RUNDC3B: variants seen among roughly 807,000 people sequenced by gnomAD.
The protein encoded by RUNDC3B is RUN domain containing 3B.
A neutral mutation model predicts 58.4 loss-of-function variants in RUNDC3B; 33 were observed. That is an observed-to-expected ratio of 0.56 (90% CI 0.43 to 0.75). The LOEUF (loss-of-function observed/expected upper bound fraction) is 0.75, where lower values mean the gene tolerates loss of function less well. Ranked by LOEUF, RUNDC3B falls within the 30% of genes least tolerant of loss-of-function variation. The pLI, the probability that RUNDC3B is intolerant of heterozygous loss-of-function variation, is 0.00. For missense variants in RUNDC3B, 501 were observed against 535.7 expected (o/e 0.94, Z 0.64); for synonymous variants, 193 against 195.2 (o/e 0.99, Z 0.10).
At chr7:87,634,139 G>A (rs1347880731) in intron 1 of RUNDC3B, among the ~76,000 whole-genome samples, 1 of 152,126 alleles carries the variant, frequency 6.6e-6, no homozygotes, top group Non-Finnish European at 1.5e-5. Context: ...CCTTGCTAGA[G>A]TGAGAACTGG....
At chr7:87,749,937 T>C (rs1832867036) in intron 6 of RUNDC3B, among the ~76,000 whole-genome samples, 1 of 152,054 alleles carries the variant, frequency 6.6e-6, no homozygotes, top group Non-Finnish European at 1.5e-5. Context: ...TGCAGGTTAC[T>C]TACATATGTA....
At chr7:87,787,751 T>C (rs1835299709) in intron 8 of RUNDC3B, among the ~76,000 whole-genome samples, 1 of 152,186 alleles carries the variant, frequency 6.6e-6, no homozygotes, top group Non-Finnish European at 1.5e-5. Flanking sequence ...GTGTTAAGTA[T>C]ATAAAAAAGA....
chr7:87,803,170 T>C (rs539642016), intron 8 of RUNDC3B, among the ~76,000 whole-genome samples: 44 of 152,306 alleles, frequency 2.9e-4, no homozygotes, highest in Non-Finnish European at 5.4e-4. Context: ...ATTTATTGAC[T>C]TTTTCTGTCA....
At chr7:87,730,252 A>C (rs576571556) in intron 4 of RUNDC3B, among the ~76,000 whole-genome samples, 2 of 152,266 alleles carry the variant, frequency 1.3e-5, no homozygotes, top group African/African-American at 4.8e-5. Flanking sequence ...GCTCAGCCAC[A>C]GTGATGTAGA....
intron 2 of RUNDC3B, among the ~76,000 whole-genome samples, chr7:87,677,481 A>G (rs1826493887): frequency 6.6e-6 from 1 of 152,166 alleles, no homozygotes; most frequent in Non-Finnish European, 1.5e-5. Context: ...AGTCAAACTT[A>G]TAGTAACAGA....
At chr7:87,820,890 A>T (rs933966492) in intron 10 of RUNDC3B, among the ~76,000 whole-genome samples, 4 of 152,102 alleles carry the variant, frequency 2.6e-5, no homozygotes, top group African/African-American at 9.7e-5. Flanking sequence ...GACATATCTC[A>T]AAATAATAAA....
At chr7:87,821,263 G>T (rs201223636) in intron 10 of RUNDC3B, among the ~76,000 whole-genome samples, 7 of 151,592 alleles carry the variant, frequency 4.6e-5, no homozygotes, top group African/African-American at 9.7e-5. Flanking sequence ...AACAGAGAGC[G>T]AAATCATGAG....
chr7:87,758,819 C>T (rs1454622921), intron 6 of RUNDC3B, among the ~76,000 whole-genome samples: 1 of 152,106 alleles, frequency 6.6e-6, no homozygotes, highest in East Asian at 1.9e-4. Context: ...ATTCAAAAGA[C>T]AGGCAATAAT....
chr7:87,702,171 A>AAT (rs1433057247), intron 3 of RUNDC3B, among the ~76,000 whole-genome samples: 3 of 148,928 alleles, frequency 2.0e-5, no homozygotes, highest in African/African-American at 7.5e-5. Flanking sequence ...AAAAAAAAAA[A>AAT]ACAGAGATAC....
rs544554691 is a variant in RUNDC3B, at chr7:87,790,938, A to T, written c.956+12983A>T. Among the ~76,000 whole-genome samples the T allele has an allele frequency of 7.2e-5, 11 of 152,324 alleles. No individual in the cohort carries two copies. In the South Asian group the frequency reaches 2.3e-3, roughly 32 times the overall value. ...AAAGTTTATTTAAAGGGATAATAAC[A>T]GAGAACATCCCAAACCTGGAGAAAA... On this transcript the variant is annotated intron_variant, in intron 8 of 10. Coordinates refer to ENST00000394654, the MANE Select transcript of RUNDC3B (RefSeq NM_001134405.2).
chr7:87,788,422 T>C (rs953638921), intron 8 of RUNDC3B, among the ~76,000 whole-genome samples: 9 of 152,206 alleles, frequency 5.9e-5, no homozygotes, highest in Non-Finnish European at 1.3e-4. Context: ...ATTTAAGTAT[T>C]GAATCATTTC....
At chr7:87,769,968 A>G (rs1200689036) in intron 6 of RUNDC3B, among the ~76,000 whole-genome samples, 1 of 151,892 alleles carries the variant, frequency 6.6e-6, no homozygotes, top group Non-Finnish European at 1.5e-5. Context: ...CTTCTGTTCT[A>G]TAGTCATATC....
chr7:87,702,168 A>AAAAAAAAC, intron 3 of RUNDC3B, among the ~76,000 whole-genome samples: 1 of 150,234 alleles, frequency 6.7e-6, no homozygotes, highest in African/African-American at 2.4e-5. Context: ...AAAAAAAAAA[A>AAAAAAAAC]AAAACAGAGA....
At chr7:87,738,738 T>G (rs973354125) in intron 4 of RUNDC3B, among the ~76,000 whole-genome samples, 1 of 152,010 alleles carries the variant, frequency 6.6e-6, no homozygotes, top group African/African-American at 2.4e-5. Context: ...AACTAATGAT[T>G]CCTTCTGCCT....
At chr7:87,668,742 C>T (rs550389360) in intron 2 of RUNDC3B, among the ~76,000 whole-genome samples, 1 of 152,096 alleles carries the variant, frequency 6.6e-6, no homozygotes, top group East Asian at 1.9e-4. Flanking sequence ...TACCCCAAAG[C>T]CACTCAAGAG....
At chr7:87,677,376 G>C (rs1826482872) in intron 2 of RUNDC3B, among the ~76,000 whole-genome samples, 1 of 146,546 alleles carries the variant, frequency 6.8e-6, no homozygotes, top group Admixed American at 6.8e-5. Context: ...TGCAGTAACA[G>C]ATGAACCTGG....
At chr7:87,690,817 T>C (rs1376539084) in intron 2 of RUNDC3B, among the ~76,000 whole-genome samples, 1 of 152,180 alleles carries the variant, frequency 6.6e-6, no homozygotes, top group African/African-American at 2.4e-5. Context: ...TTTTATTTGT[T>C]TTACAAATGG....
rs149837212 is a variant in RUNDC3B at position 87,739,824 on chromosome 7, T to C, written c.492T>C (p.Gly164=). The C allele has an allele frequency of 3.8e-6, 6 of 1,597,070 alleles. No individual in the cohort carries two copies. Among genetic ancestry groups the C allele is most frequent in the Non-Finnish European group, 5.1e-6 (6 of 1,167,604 alleles). The part of the protein sequence containing the change: ...RFYEDGAIVL[G]EEANMLAGML... ...ATGAAGATGGAGCAATTGTCTTGGG[T>C]GAAGAAGCAAATATGCTTGCTGGCA... The change falls in exon 5 of 11, where the codon GGT becomes GGC. Residue 164 remains glycine, a synonymous_variant. Transcript: ENST00000394654.
chr7:87,638,085 G>A (rs546595497), intron 1 of RUNDC3B, among the ~76,000 whole-genome samples: 3 of 151,948 alleles, frequency 2.0e-5, no homozygotes, highest in East Asian at 1.9e-4. Context: ...TCAAGTAAAC[G>A]TGATTTTTCT....
Sources: allele counts gnomAD v4.1 joint callset (sites outside exome capture counted in the v4.1 genomes callset), GRCh38; gene constraint gnomAD v4.1.1; transcripts MANE v1.5; gene names NCBI Gene and HGNC (gene_info 2026-07-23, HGNC 2026-07-21).